Variants in IGF2R observed in about 807,000 individuals in gnomAD.
The protein encoded by IGF2R is cation-independent mannose-6-phosphate receptor.
A neutral mutation model predicts 270.6 loss-of-function variants in IGF2R; 91 were observed. The observed-to-expected ratio is 0.34, with a 90% CI of 0.28 to 0.40. The LOEUF is 0.40. Ranked by LOEUF, IGF2R falls within the 10% of genes least tolerant of loss-of-function variation. The pLI is 1.00. For missense variants in IGF2R, 2,805 were observed against 3,188.3 expected (o/e 0.88, Z 2.90); for synonymous variants, 1,316 against 1,258.9 (o/e 1.05, Z -0.96).
intron 36 of IGF2R, 101 bp downstream of exon 36, chr6:160,076,097 C>T: frequency 8.7e-7 from 1 of 1,153,096 alleles, no homozygotes; most frequent in Non-Finnish European, 1.3e-6. Context: ...TACTCTTATT[C>T]AAAATGTCTG....
intron 1 of IGF2R, among the ~76,000 whole-genome samples, chr6:159,979,987 C>T (rs1562330257): frequency 6.6e-6 from 1 of 151,916 alleles, no homozygotes; most frequent in Non-Finnish European, 1.5e-5. Flanking sequence ...GTCAGGAGAT[C>T]GAGACCACGG....
chr6:160,036,070 G>A (rs7762627), intron 10 of IGF2R, among the ~76,000 whole-genome samples: 242 of 152,290 alleles, frequency 1.6e-3, no homozygotes, highest in African/African-American at 5.6e-3. Context: ...ACCCTGGAAC[G>A]GTGAGTGTGC....
chr6:160,093,383 C>T (rs1404034250), intron 44 of IGF2R: 6 of 282,118 alleles, frequency 2.1e-5, no homozygotes, highest in South Asian at 4.5e-5. Flanking sequence ...CTCTTGTTGC[C>T]GTTGCTTCTG....
chr6:160,080,158 C>T lies in IGF2R; in HGVS notation c.5716C>T (p.Pro1906Ser). 1 of 1,614,120 alleles carries T rather than the reference C, an allele frequency of 6.2e-7. No homozygotes were observed. The highest frequency in any genetic ancestry group is 8.5e-7 in the Non-Finnish European group (1 of 1,180,016). Residue 1906 changes from proline to serine, a missense_variant, in exon 39 of 48, where the codon CCC becomes TCC. Physicochemically the swap from Pro to Ser is moderately conservative, Grantham distance 74. Coordinates refer to ENST00000356956, the MANE Select transcript of IGF2R (RefSeq NM_000876.4). Reference sequence around the variant, plus strand: ...CGATGACGGCGTCCCCTGTGTCTTCCCCTTCATATTCAATGGGAAGAGCTA... The same window carrying T: ...CGATGACGGCGTCCCCTGTGTCTTCTCCTTCATATTCAATGGGAAGAGCTA... The part of the protein sequence containing the change: ...ETDDGVPCVF[P>S]FIFNGKSYEE...
Position 160,078,242 on chromosome 6 carries a change from G to A in IGF2R, c.5358G>A (p.Val1786=), listed in dbSNP as rs1212834027. The A allele has an allele frequency of 1.9e-6, 3 of 1,614,124 alleles. No homozygotes were observed. Among genetic ancestry groups the A allele is most frequent in the Admixed American group, 1.7e-5 (1 of 60,014 alleles). ...KLLRTSECDF[V]FEWETPVVCP... is the part of the protein sequence containing the mutation. ...TAAGGACCAGCGAGTGCGACTTTGT[G>A]TTCGAATGGGAGACTCCTGTCGTCT... The change falls in exon 37 of 48, where the codon GTG becomes GTA. Residue 1786 remains valine (V), a synonymous_variant. Coordinates refer to ENST00000356956, the MANE Select transcript of IGF2R (RefSeq NM_000876.4).
At chr6:160,087,714 G>C (rs1397563874) in intron 41 of IGF2R, among the ~76,000 whole-genome samples, 1 of 152,176 alleles carries the variant, frequency 6.6e-6, no homozygotes, top group Non-Finnish European at 1.5e-5. Context: ...TTGTTGCCCA[G>C]GCTGGAGTGC....
Position 160,056,415 on chromosome 6 carries a change from C to G in IGF2R, c.2695-9C>G. The G allele has an allele frequency of 6.3e-7, 1 of 1,590,896 alleles. No individual in the cohort carries two copies. The highest frequency in any genetic ancestry group is 1.3e-5 in the African/African-American group (1 of 74,530). On this transcript the variant is annotated splice_polypyrimidine_tract_variant and intron_variant, in intron 19 of 47. Transcript: ENST00000356956. Reference sequence around the variant, plus strand: ...TGTATTGACTTTTACCCTGGATTTGCCCATTCAGAACAGCCACCCCATCTT... The same window carrying G: ...TGTATTGACTTTTACCCTGGATTTGGCCATTCAGAACAGCCACCCCATCTT...
chr6:159,994,492 A>G (rs1030492471), intron 2 of IGF2R, among the ~76,000 whole-genome samples: 13 of 149,976 alleles, frequency 8.7e-5, no homozygotes, highest in African/African-American at 3.0e-4. Context: ...TTAGGTTTCA[A>G]TTTGGTTTGT....
Position 160,074,203 on chromosome 6 carries a change from G to T in IGF2R, c.5166+228G>T, listed in dbSNP as rs1778809545. 3 of 558,938 alleles carry T rather than the reference G, an allele frequency of 5.4e-6. No homozygotes were observed. In the Admixed American group the frequency reaches 9.6e-5, roughly 18 times the overall value. 34.6% of individuals were successfully genotyped at this position (558,938 alleles called of 1,614,324 possible). A position where few individuals can be genotyped will look rare whatever the true frequency, so the allele number is the denominator to read the frequency against. ...AGTCTTTGAGCATGGGAGGTAACAC[G>T]AATATGTGTGTAGGGACTCTACTTG... On this transcript the variant is annotated intron_variant, in intron 35 of 47. Coordinates refer to ENST00000356956, the MANE Select transcript of IGF2R (RefSeq NM_000876.4).
chr6:160,047,072 C>T (rs1583278059), intron 15 of IGF2R, 87 bp from the exon 16 acceptor site: 5 of 1,272,334 alleles, frequency 3.9e-6, no homozygotes, highest in South Asian at 1.2e-5. Context: ...CTCCTCACGT[C>T]GCTCACGGGC....
rs1174312901 is a variant in IGF2R, at chr6:160,047,304, C to T, written c.2197C>T (p.Arg733Ter). The T allele has an allele frequency of 1.9e-6, 3 of 1,607,042 alleles. No homozygotes were observed. Among genetic ancestry groups the T allele is most frequent in the Non-Finnish European group, 2.5e-6 (3 of 1,177,510 alleles). The stretch of plus-strand genomic sequence containing the variant: ...TACGCTCATCACCTTTCTCTGTGAT[C>T]GAGACGCGGGAGTGGGCTTCCCTGA... ...RATLITFLCD[R>*]DAGVGFPEYQ... Residue 733 changes from arginine (R) to a stop codon, truncating the protein, a stop_gained, in exon 16 of 48, where the codon CGA becomes TGA. Coordinates refer to ENST00000356956, the MANE Select transcript of IGF2R (RefSeq NM_000876.4). LOFTEE classifies it high-confidence loss of function.
intron 2 of IGF2R, chr6:160,006,753 A>G (rs1036395048): frequency 2.0e-5 from 3 of 152,198 alleles, no homozygotes; most frequent in African/African-American, 7.2e-5. Flanking sequence ...GTGTTAATCC[A>G]TAGACTAACC....
chr6:159,985,487 C>T (rs1312362181), intron 1 of IGF2R, among the ~76,000 whole-genome samples: 3 of 152,190 alleles, frequency 2.0e-5, no homozygotes, highest in African/African-American at 7.2e-5. Context: ...CACATGTTAG[C>T]TGTGTGGGTG....
intron 3 of IGF2R, among the ~76,000 whole-genome samples, chr6:160,009,459 C>T (rs951336980): frequency 2.6e-5 from 4 of 152,008 alleles, no homozygotes; most frequent in African/African-American, 9.7e-5. Context: ...TCTAGCATTT[C>T]ATTTTGATAG....
chr6:160,092,611 T>A (rs9457834), intron 44 of IGF2R, among the ~76,000 whole-genome samples: 6,808 of 152,326 alleles, frequency 0.045, 280 homozygotes, highest in East Asian at 0.098. Context: ...AGGCTTGCCA[T>A]TCCTTCGGGA....
intron 41 of IGF2R, among the ~76,000 whole-genome samples, chr6:160,086,214 A>G (rs1022082610): frequency 2.6e-5 from 4 of 152,166 alleles, no homozygotes; most frequent in Admixed American, 6.5e-5. Flanking sequence ...GGAGAGCACC[A>G]TTTTGCAAGT....
At chr6:160,027,521 C>T (rs1371366133) in intron 6 of IGF2R, among the ~76,000 whole-genome samples, 1 of 152,252 alleles carries the variant, frequency 6.6e-6, no homozygotes, top group African/African-American at 2.4e-5. Context: ...TTGTCTCTTA[C>T]AGCAGTAAAA....
intron 1 of IGF2R, among the ~76,000 whole-genome samples, chr6:159,978,271 TG>T (rs1370680491): frequency 6.6e-6 from 1 of 152,194 alleles, no homozygotes; most frequent in African/African-American, 2.4e-5. Context: ...TCTGCAGTTC[TG>T]AGGTTTGCAG....
At chr6:160,068,829 G>A (rs566705997) in intron 30 of IGF2R, among the ~76,000 whole-genome samples, 1 of 152,160 alleles carries the variant, frequency 6.6e-6, no homozygotes, top group African/African-American at 2.4e-5. Context: ...CTTTGGAGGC[G>A]CTTTACTCTC....
Sources: gnomAD v4.1 joint callset for allele counts (sites outside exome capture counted in the v4.1 genomes callset) on GRCh38, gnomAD v4.1.1 for gene constraint, MANE v1.5 for transcripts, NCBI Gene and HGNC (gene_info 2026-07-23, HGNC 2026-07-21) for gene names.